Variants in ATP6V0D2 observed in about 807,000 individuals in gnomAD.
ATP6V0D2 encodes V-type proton ATPase subunit d 2.
In ATP6V0D2, 40 loss-of-function variants were observed where a neutral mutation model predicts 40.0. That is an observed-to-expected ratio of 1.00 (90% CI 0.78 to 1.30). The LOEUF (loss-of-function observed/expected upper bound fraction) is 1.30, where lower values mean the gene tolerates loss of function less well. Ranked by LOEUF, ATP6V0D2 falls within the 50% of genes most tolerant of loss-of-function variation. The pLI is 0.00. For missense variants in ATP6V0D2, 470 were observed against 423.1 expected, an observed-to-expected ratio of 1.11 and a Z score of -0.97; for synonymous variants, 179 against 156.3, an observed-to-expected ratio of 1.15 and a Z score of -1.08.
intron 2 of ATP6V0D2, among the ~76,000 whole-genome samples, chr8:86,138,904 T>G (rs1228511531): frequency 6.6e-6 from 1 of 152,304 alleles, no homozygotes; most frequent in South Asian, 2.1e-4. Context: ...AGGTTTTATT[T>G]AGTTAGTTGT....
At chr8:86,105,934 C>T (rs1818465915) in intron 1 of ATP6V0D2, among the ~76,000 whole-genome samples, 1 of 151,858 alleles carries the variant, frequency 6.6e-6, no homozygotes, top group African/African-American at 2.4e-5. Context: ...TTCTTAAAGG[C>T]AGAAAGTACA....
intron 2 of ATP6V0D2, among the ~76,000 whole-genome samples, chr8:86,126,331 CG>C (rs1563560642): frequency 1.2e-4 from 17 of 146,148 alleles, no homozygotes; most frequent in African/African-American, 4.0e-4. Context: ...CTTAAGTAAA[CG>C]TGTGCCTTGG....
At chr8:86,118,029 TTTTTTTC>T (rs1563558103) in intron 2 of ATP6V0D2, among the ~76,000 whole-genome samples, 9 of 150,148 alleles carry the variant, frequency 6.0e-5, no homozygotes, top group Non-Finnish European at 8.9e-5. Context: ...TTTCTTTCTT[TTTTTTTC>T]TTTCTTTCTT....
At position 86,150,237 on chromosome 8, in the gene ATP6V0D2, G is replaced by A. The variant is rs758813446; in HGVS notation, c.765G>A (p.Leu255=). 6.8e-6 allele frequency: 11 copies of A among 1,613,024 alleles called. No individual in the cohort carries two copies. The highest frequency in any genetic ancestry group is 1.7e-5 in the Admixed American group (1 of 59,852). ...GKLYPEGLRL[L]AQAEDFDQMK... ...TCTATCCTGAGGGGTTGCGGCTGTT[G>A]GCTCAAGCAGAAGACTTTGACCAGA... The change falls in exon 6 of 8, where the codon TTG becomes TTA. Residue 255 remains leucine (L), a synonymous_variant. Transcript: ENST00000285393.
rs780149023 is a variant in ATP6V0D2, at chr8:86,137,865, G to A, written c.303-1592G>A. Among the ~76,000 whole-genome samples, 3 of 152,196 alleles carry A rather than the reference G, an allele frequency of 2.0e-5. No homozygotes were observed. The South Asian group carries it at 6.2e-4, about 32-fold the overall frequency. On this transcript the variant is annotated intron_variant, in intron 2 of 7. Transcript: ENST00000285393. ...CACCTCTCTGGGCCTCTGGTTTCTC[G>A]TCTATAAAATGGAGATAATAATACG...
chr8:86,113,867 C>G lies in ATP6V0D2; in HGVS notation c.289C>G (p.Leu97Val), dbSNP rs759320746. The change falls in exon 2 of 8, where the codon CTC becomes GTC. Residue 97 changes from leucine (L) to valine (V), a missense_variant. Coordinates refer to ENST00000285393, the MANE Select transcript of ATP6V0D2 (RefSeq NM_152565.1). ...NHSLEPLSTF[L>V]TYMTCSYMID... ...TTCCCTGGAGCCCCTCAGCACATTTCTCACCTATATGACGTAAGTGATGAC... is the reference window on the plus strand; with the variant it reads ...TTCCCTGGAGCCCCTCAGCACATTTGTCACCTATATGACGTAAGTGATGAC... The G allele has an allele frequency of 6.2e-7, 1 of 1,612,814 alleles. No homozygotes were observed. Among genetic ancestry groups the G allele is most frequent in the Non-Finnish European group, 8.5e-7 (1 of 1,179,498 alleles).
intron 1 of ATP6V0D2, among the ~76,000 whole-genome samples, chr8:86,105,013 A>G (rs368691499): frequency 1.3e-4 from 20 of 152,172 alleles, no homozygotes; most frequent in African/African-American, 4.8e-4. Context: ...CCCTTATCCC[A>G]TGTTCCTGGA....
At chr8:86,123,295 T>C (rs2130251033) in intron 2 of ATP6V0D2, among the ~76,000 whole-genome samples, 1 of 152,354 alleles carries the variant, frequency 6.6e-6, no homozygotes, top group Admixed American at 6.5e-5. Context: ...AGCTGCTAAG[T>C]AAAAAGCCTA....
In ATP6V0D2 at chr8:86,133,354, C is replaced by T. The variant is rs1210393923; in HGVS notation, c.303-6103C>T. Reference sequence around the variant, plus strand: ...TTTTTTTTTTTTTGAGATGGAGTCTCGCTCTGTCACCAGGCTGGAGTGCAG... The same window carrying T: ...TTTTTTTTTTTTTGAGATGGAGTCTTGCTCTGTCACCAGGCTGGAGTGCAG... On this transcript the variant is annotated intron_variant, in intron 2 of 7. Transcript: ENST00000285393. Among the ~76,000 whole-genome samples the T allele has an allele frequency of 4.0e-5, 5 of 126,002 alleles. No individual in the cohort carries two copies. In the South Asian group the frequency reaches 1.1e-3, roughly 27 times the overall value. The allele number at this position is 126,002 out of a possible 152,430, so 82.7% of individuals were successfully genotyped here. A position where few individuals can be genotyped will look rare whatever the true frequency, so the allele number is the denominator to read the frequency against.
At chr8:86,133,090 A>G (rs1818848460) in intron 2 of ATP6V0D2, among the ~76,000 whole-genome samples, 1 of 152,088 alleles carries the variant, frequency 6.6e-6, no homozygotes, top group Non-Finnish European at 1.5e-5. Flanking sequence ...TAATGACTAA[A>G]AGATAGAGAG....
chr8:86,104,006 TA>T (rs1488673299), intron 1 of ATP6V0D2, among the ~76,000 whole-genome samples: 1 of 152,024 alleles, frequency 6.6e-6, no homozygotes, highest in Non-Finnish European at 1.5e-5. Flanking sequence ...TTTGTATTTT[TA>T]GTAGAGATGG....
At chr8:86,145,947 G>T (rs937358288) in intron 5 of ATP6V0D2, among the ~76,000 whole-genome samples, 2 of 152,170 alleles carry the variant, frequency 1.3e-5, no homozygotes, top group East Asian at 3.8e-4. Context: ...AGAATAGGTA[G>T]TCTAGTATCT....
At chr8:86,116,847 T>C (rs932944282) in intron 2 of ATP6V0D2, among the ~76,000 whole-genome samples, 1 of 152,224 alleles carries the variant, frequency 6.6e-6, no homozygotes, top group Non-Finnish European at 1.5e-5. Context: ...TACAACAACC[T>C]GTGGAAAGAC....
Position 86,147,339 on chromosome 8 carries a change from A to G in ATP6V0D2, c.640-2773A>G, listed in dbSNP as rs77468762. 1.6e-3 allele frequency among the ~76,000 whole-genome samples: 247 copies of G among 152,314 alleles called. 3 individuals are homozygous for G. In the East Asian group the frequency reaches 0.032, roughly 20 times the overall value. On this transcript the variant is annotated intron_variant, in intron 5 of 7. Coordinates refer to ENST00000285393, the MANE Select transcript of ATP6V0D2 (RefSeq NM_152565.1). ...GTGATTTTGAGCAAGTAAACAGTTC[A>G]TTGCTATCTCTTGAAATAACAAAAA...
intron 2 of ATP6V0D2, among the ~76,000 whole-genome samples, chr8:86,116,678 T>C (rs531667513): frequency 6.6e-6 from 1 of 152,322 alleles, no homozygotes; most frequent in East Asian, 1.9e-4. Flanking sequence ...TTCAGGGTGG[T>C]ATGGCCGTAG....
chr8:86,105,834 T>C lies in ATP6V0D2; in HGVS notation c.130+6726T>C, dbSNP rs192039893. 3.9e-5 allele frequency among the ~76,000 whole-genome samples: 6 copies of C among 152,020 alleles called. No homozygotes were observed. In the East Asian group the frequency reaches 1.2e-3, roughly 30 times the overall value. ...TTTCACCGTGTTAGCTTGGATAGTC[T>C]CGATCTCCTGACCTCGTGATCTGCC... is the stretch of plus-strand genomic sequence containing the variant. On this transcript the variant is annotated intron_variant, in intron 1 of 7. Transcript: ENST00000285393.
chr8:86,101,072 G>C (rs1405961179), intron 1 of ATP6V0D2, among the ~76,000 whole-genome samples: 1 of 151,652 alleles, frequency 6.6e-6, no homozygotes, highest in Non-Finnish European at 1.5e-5. Context: ...TCTTGAACCT[G>C]GGAGGCAGAG....
intron 2 of ATP6V0D2, among the ~76,000 whole-genome samples, chr8:86,128,873 C>T (rs1818780018): frequency 6.6e-6 from 1 of 152,192 alleles, no homozygotes; most frequent in Non-Finnish European, 1.5e-5. Flanking sequence ...CCACAACTGA[C>T]ATGATAATCT....
intron 3 of ATP6V0D2, among the ~76,000 whole-genome samples, chr8:86,140,778 G>A (rs1481617771): frequency 6.6e-6 from 1 of 152,134 alleles, no homozygotes; most frequent in Non-Finnish European, 1.5e-5. Context: ...ACTTTTCCAT[G>A]ACAGGAGAGA....
Sources: allele counts gnomAD v4.1 joint callset (sites outside exome capture counted in the v4.1 genomes callset), GRCh38; gene constraint gnomAD v4.1.1; transcripts MANE v1.5; gene names NCBI Gene and HGNC (gene_info 2026-07-23, HGNC 2026-07-21).